Variants in OLFM2 observed in about 807,000 individuals in gnomAD.
The protein encoded by OLFM2 is noelin-2.
Under a neutral mutation model 43.9 loss-of-function variants are expected in OLFM2, and 20 were observed. That is an observed-to-expected ratio of 0.46 (90% CI 0.32 to 0.66). The LOEUF is 0.66. OLFM2 is among the 30% of genes least tolerant of loss of function. The pLI is 0.04. For missense variants in OLFM2, 416 were observed against 643.6 expected, an observed-to-expected ratio of 0.65 and a Z score of 3.83; for synonymous variants, 268 against 278.6, an observed-to-expected ratio of 0.96 and a Z score of 0.38.
intron 1 of OLFM2, among the ~76,000 whole-genome samples, chr19:9,923,669 AAAAAG>A (rs1375995438): frequency 4.2e-5 from 6 of 144,414 alleles, no homozygotes; most frequent in South Asian, 2.1e-4. Flanking sequence ...AAAAGAAAGA[AAAAAG>A]AAAAGAAAAG....
intron 1 of OLFM2, chr19:9,913,468 G>A (rs1331678270): frequency 5.6e-6 from 6 of 1,062,878 alleles, no homozygotes; most frequent in East Asian, 6.2e-5. Context: ...CGCCCCCCGC[G>A]CGGCGGCCAC....
chr19:9,881,084 G>C (rs2046536235), intron 1 of OLFM2, among the ~76,000 whole-genome samples: 1 of 152,152 alleles, frequency 6.6e-6, no homozygotes, highest in South Asian at 2.1e-4. Context: ...TTTTAGTAGA[G>C]ACGGGGTTTT....
intron 1 of OLFM2, among the ~76,000 whole-genome samples, chr19:9,894,631 C>T (rs531834221): frequency 4.7e-4 from 72 of 151,838 alleles, no homozygotes; most frequent in African/African-American, 1.7e-3. Context: ...ATGGCTTGAA[C>T]CCAGGAGGCA....
At chr19:9,855,447 G>A (rs2046308994) in intron 5 of OLFM2, among the ~76,000 whole-genome samples, 1 of 151,798 alleles carries the variant, frequency 6.6e-6, no homozygotes, top group African/African-American at 2.4e-5. Flanking sequence ...CACCATGTTG[G>A]TCAGGCTGGT....
intron 1 of OLFM2, among the ~76,000 whole-genome samples, chr19:9,914,970 A>C (rs1335667269): frequency 6.6e-6 from 1 of 151,852 alleles, no homozygotes; most frequent in Non-Finnish European, 1.5e-5. Flanking sequence ...GCCAAGCATG[A>C]GCGGGGAGGG....
At chr19:9,915,368 G>A (rs901721839) in intron 1 of OLFM2, among the ~76,000 whole-genome samples, 1 of 151,126 alleles carries the variant, frequency 6.6e-6, no homozygotes, top group Non-Finnish European at 1.5e-5. Flanking sequence ...TGAGCCTCCG[G>A]GTTGGATGTG....
chr19:9,888,448 TG>T (rs36108868), intron 1 of OLFM2, among the ~76,000 whole-genome samples: 6 of 149,298 alleles, frequency 4.0e-5, no homozygotes. Flanking sequence ...CGCTTGAGCC[TG>T]GGGGGCGGAG....
At chr19:9,872,990 A>G (rs1391584257) in intron 1 of OLFM2, among the ~76,000 whole-genome samples, 1 of 152,186 alleles carries the variant, frequency 6.6e-6, no homozygotes, top group Admixed American at 6.6e-5. Flanking sequence ...ATATTACCAA[A>G]ATTCAATCCT....
chr19:9,895,799 C>T (rs2046678333), intron 1 of OLFM2, among the ~76,000 whole-genome samples: 1 of 152,010 alleles, frequency 6.6e-6, no homozygotes. Context: ...CCACACCTGG[C>T]TAATTTTTGT....
In OLFM2 at chr19:9,872,082, ATG is replaced by A. The variant is rs1225081874; in HGVS notation, c.64-11290_64-11289del. ...GGAGGGCCGTGATGAATGATGGAGA[ATG>A]TGCCTGTCTGCTATGTCTGAGCCGT... On this transcript the variant is annotated intron_variant, in intron 1 of 5. Transcript: ENST00000264833. 5.3e-5 allele frequency among the ~76,000 whole-genome samples: 8 copies of A among 152,168 alleles called. No homozygotes were observed. In the South Asian group the frequency reaches 1.7e-3, roughly 32 times the overall value.
chr19:9,871,964 G>A (rs945310610), intron 1 of OLFM2, among the ~76,000 whole-genome samples: 3 of 152,302 alleles, frequency 2.0e-5, no homozygotes, highest in Non-Finnish European at 2.9e-5. Flanking sequence ...TCTGTTGTTC[G>A]TCCTAGGGAA....
At chr19:9,899,067 C>T (rs2046709366) in intron 1 of OLFM2, among the ~76,000 whole-genome samples, 1 of 152,074 alleles carries the variant, frequency 6.6e-6, no homozygotes, top group Non-Finnish European at 1.5e-5. Flanking sequence ...GAGTTCGAGA[C>T]CAGCCCAGCC....
At chr19:9,868,489 G>C (rs964148607) in intron 1 of OLFM2, among the ~76,000 whole-genome samples, 1 of 152,158 alleles carries the variant, frequency 6.6e-6, no homozygotes, top group Admixed American at 6.6e-5. Flanking sequence ...TTACAGGCGT[G>C]AGGCACTGTG....
intron 1 of OLFM2, among the ~76,000 whole-genome samples, chr19:9,872,716 A>G (rs2046453070): frequency 6.6e-6 from 1 of 151,296 alleles, no homozygotes; most frequent in Non-Finnish European, 1.5e-5. Flanking sequence ...TCATCCATCT[A>G]TCCATTCATT....
chr19:9,857,742 A>G lies in OLFM2; in HGVS notation c.333T>C (p.Asp111=), dbSNP rs1417087370. Reference sequence around the variant, plus strand: ...GGAAGCTCTTGGCCGAGAGGGACCCATCAGCTGCCCGGAGCCGCGCATCCA... The same window carrying G: ...GGAAGCTCTTGGCCGAGAGGGACCCGTCAGCTGCCCGGAGCCGCGCATCCA... The part of the protein sequence containing the change: ...RSLDARLRAA[D]GSLSAKSFQE... Residue 111 remains aspartate (D), a synonymous_variant, in exon 3 of 6, where the codon GAT becomes GAC. Coordinates refer to ENST00000264833, the MANE Select transcript of OLFM2 (RefSeq NM_058164.4). The surrounding 1 kb of genome is among the most constrained non-coding windows in gnomAD (Gnocchi z 5.7). The G allele has an allele frequency of 6.2e-7, 1 of 1,614,150 alleles. No individual in the cohort carries two copies. Among genetic ancestry groups the G allele is most frequent in the Non-Finnish European group, 8.5e-7 (1 of 1,180,032 alleles).
At chr19:9,918,269 C>T (rs34318451) in intron 1 of OLFM2, among the ~76,000 whole-genome samples, 79,188 of 151,824 alleles carry the variant, frequency 0.52, 20,964 homozygotes, top group East Asian at 0.62. Context: ...TAGCTCACTG[C>T]AACCTCAAAC....
intron 1 of OLFM2, among the ~76,000 whole-genome samples, chr19:9,924,478 C>T (rs1489994751): frequency 6.6e-6 from 1 of 151,144 alleles, no homozygotes; most frequent in South Asian, 2.1e-4. Flanking sequence ...AGGCTGGTCT[C>T]GAACTCCTGG....
chr19:9,934,472 C>T (rs2086504052), intron 1 of OLFM2, among the ~76,000 whole-genome samples: 1 of 152,126 alleles, frequency 6.6e-6, no homozygotes. Context: ...GCATCCTAGC[C>T]AATCTTGGTG....
chr19:9,892,061 G>A (rs2046644406), intron 1 of OLFM2, among the ~76,000 whole-genome samples: 1 of 152,146 alleles, frequency 6.6e-6, no homozygotes, highest in African/African-American at 2.4e-5. Flanking sequence ...AGTGAGGAGG[G>A]CTATGTCTGA....
Sources: gnomAD v4.1 joint callset for allele counts (sites outside exome capture counted in the v4.1 genomes callset) on GRCh38, gnomAD v4.1.1 for gene constraint, Gnocchi (gnomAD v3.1) non-coding constraint, MANE v1.5 for transcripts, NCBI Gene and HGNC (gene_info 2026-07-23, HGNC 2026-07-21) for gene names.